PPFIA1: variants seen among roughly 807,000 people sequenced by gnomAD.
PPFIA1 encodes the protein liprin-alpha-1.
PPFIA1 carries 25 observed loss-of-function variants against 149.9 expected under a neutral mutation model. The ratio of observed to expected loss-of-function variants is 0.17; its 90% CI spans 0.12 to 0.23. PPFIA1 has a LOEUF of 0.23. PPFIA1 is among the 10% of genes least tolerant of loss of function. The pLI is 1.00. For synonymous variants in PPFIA1, 549 were observed against 552.8 expected (o/e 0.99, Z 0.10); for missense variants, 1,362 against 1,506.5 (o/e 0.90, Z 1.59).
At chr11:70,310,389 T>TC (rs1415408538) in intron 2 of PPFIA1, among the ~76,000 whole-genome samples, 1 of 149,936 alleles carries the variant, frequency 6.7e-6, no homozygotes, top group African/African-American at 2.4e-5. Context: ...CATGTACTTT[T>TC]TTTTTTTTTT....
chr11:70,296,002 C>T (rs1331408391), intron 2 of PPFIA1, among the ~76,000 whole-genome samples: 2 of 150,608 alleles, frequency 1.3e-5, no homozygotes, highest in African/African-American at 4.9e-5. Context: ...ACCTCCCAGA[C>T]GGGGTCGCGA....
chr11:70,325,352 A>G, intron 4 of PPFIA1, 148 bp from the exon 5 acceptor site: 1 of 483,524 alleles, frequency 2.1e-6, no homozygotes, highest in Non-Finnish European at 3.6e-6. Context: ...TCTTGACAGT[A>G]AGATCAATGA....
chr11:70,350,183 A>T (rs2055969007), intron 16 of PPFIA1: 1 of 285,332 alleles, frequency 3.5e-6, no homozygotes, highest in Admixed American at 5.3e-5. Flanking sequence ...GTAAGTATGG[A>T]TACAGGCAAG....
intron 2 of PPFIA1, among the ~76,000 whole-genome samples, chr11:70,295,226 C>T (rs1429762641): frequency 9.9e-5 from 14 of 141,564 alleles, no homozygotes; most frequent in African/African-American, 2.7e-4. Context: ...GCTGGCCGGG[C>T]GAGGGGCTGA....
intron 7 of PPFIA1, 31 bp from the exon 8 acceptor site, chr11:70,330,141 CT>C: frequency 1.3e-6 from 2 of 1,540,330 alleles, no homozygotes; most frequent in Non-Finnish European, 1.8e-6. Flanking sequence ...TAATTACCTA[CT>C]TTTTTGTCCC....
rs536954248 is a variant in PPFIA1 at position 70,324,755 on chromosome 11, G to GTATA, written c.367-89_367-88insATAT. 5.4e-3 allele frequency: 6,602 copies of GTATA among 1,228,270 alleles called. 23 individuals are homozygous for GTATA. The highest frequency in any genetic ancestry group is 7.0e-3 in the Non-Finnish European group (6,166 of 880,284). The allele number at this position is 1,228,270 out of a possible 1,614,324, so 76.1% of individuals were successfully genotyped here. On this transcript the variant is annotated intron_variant, in intron 3 of 27. Transcript: ENST00000253925. ...GCGGAATTGAAGGGACTTCATTTTA[G>GTATA]TATGAGACTGTAAAGGAGTTATTTG...
Position 70,309,740 on chromosome 11 carries a change from C to T in PPFIA1, c.265-14662C>T, listed in dbSNP as rs115262582. 3.9e-3 allele frequency among the ~76,000 whole-genome samples: 600 copies of T among 152,186 alleles called. 5 individuals carry two copies. The highest frequency in any genetic ancestry group is 0.014 in the African/African-American group (574 of 41,492). The stretch of plus-strand genomic sequence containing the variant: ...AAAATACTATGCCAAGTGAAAGAAG[C>T]CAGGCACAAAAAGCCACATAGTGTA... On this transcript the variant is annotated intron_variant, in intron 2 of 27. Transcript: ENST00000253925.
intron 21 of PPFIA1, among the ~76,000 whole-genome samples, chr11:70,370,483 T>G (rs1025607306): frequency 1.3e-5 from 2 of 151,512 alleles, no homozygotes; most frequent in Admixed American, 1.3e-4. Context: ...ACCTCCTGGG[T>G]TCAAGCCATT....
At chr11:70,279,287 CTGCCAGCCATT>C (rs1348569188) in intron 2 of PPFIA1, 2 of 241,276 alleles carry the variant, frequency 8.3e-6, no homozygotes, top group Admixed American at 5.5e-5. Flanking sequence ...CCCAGCCTTA[CTGCCAGCCATT>C]TTCAATTCTG....
chr11:70,372,234 T>G lies in PPFIA1; in HGVS notation c.2885T>G (p.Met962Arg). Residue 962 changes from methionine to arginine, a missense_variant, in exon 22 of 28, where the codon ATG (methionine) becomes AGG (arginine). Met to Arg is a moderately conservative substitution (Grantham distance 91, BLOSUM62 -1). This residue lies in a region of PPFIA1 where 349 missense variants were observed against 373.3 expected (regional missense o/e 0.93). Transcript: ENST00000253925. Reference protein sequence around the residue: ...TSRTTLAYGDMNHEWIGNEWL... With the variant: ...TSRTTLAYGDRNHEWIGNEWL... ...AAGCAGACACTCGCCTATGGGGACA[T>G]GAACCACGAGTGGATCGGCAACGAG... 2.5e-6 allele frequency: 4 copies of G among 1,613,936 alleles called. No homozygotes were observed. Among genetic ancestry groups the G allele is most frequent in the Non-Finnish European group, 3.4e-6 (4 of 1,179,970 alleles).
chr11:70,327,859 G>T (rs1232140385), intron 7 of PPFIA1: 1 of 152,128 alleles, frequency 6.6e-6, no homozygotes, highest in South Asian at 2.1e-4. Flanking sequence ...TTTCTAACCT[G>T]CGCTTTGTCC....
chr11:70,314,999 AT>A lies in PPFIA1; in HGVS notation c.265-9402del, dbSNP rs1348381877. On this transcript the variant is annotated intron_variant, in intron 2 of 27. Coordinates refer to ENST00000253925, the MANE Select transcript of PPFIA1 (RefSeq NM_003626.5). ...CAAGCAGGGGAAATGCCAGACACTTATAAAATCATCAGATCTCGTGAGACTC... is the reference window on the plus strand; with the variant it reads ...CAAGCAGGGGAAATGCCAGACACTTAAAAATCATCAGATCTCGTGAGACTC... Among the ~76,000 whole-genome samples the A allele has an allele frequency of 2.0e-5, 3 of 152,330 alleles. No individual in the cohort carries two copies. The East Asian group carries it at 5.8e-4, about 29-fold the overall frequency.
intron 2 of PPFIA1, among the ~76,000 whole-genome samples, chr11:70,324,035 G>C (rs564319596): frequency 2.0e-5 from 3 of 152,360 alleles, no homozygotes; most frequent in African/African-American, 7.2e-5. Flanking sequence ...TCTCTCTCCA[G>C]CAACTCTAGA....
At chr11:70,333,420 C>A in intron 9 of PPFIA1, 50 bp from the exon 10 acceptor site, 2 of 1,450,566 alleles carry the variant, frequency 1.4e-6, no homozygotes, top group South Asian at 1.2e-5. Flanking sequence ...TGCAGCATGT[C>A]GTTAATGAAG....
chr11:70,289,764 C>T (rs973806266), intron 2 of PPFIA1, among the ~76,000 whole-genome samples: 2 of 152,196 alleles, frequency 1.3e-5, no homozygotes, highest in Non-Finnish European at 2.9e-5. Flanking sequence ...AGGCGTGGCT[C>T]ACTGTGCCCA....
At chr11:70,307,046 C>T (rs1157505232) in intron 2 of PPFIA1, among the ~76,000 whole-genome samples, 1 of 152,048 alleles carries the variant, frequency 6.6e-6, no homozygotes, top group Non-Finnish European at 1.5e-5. Context: ...TAGGCAATGG[C>T]GAATGGAGAA....
intron 14 of PPFIA1, among the ~76,000 whole-genome samples, chr11:70,342,391 A>T (rs1485186939): frequency 6.6e-6 from 1 of 152,090 alleles, no homozygotes; most frequent in Admixed American, 6.5e-5. Flanking sequence ...TTGAAGAGTG[A>T]GGTGGCATGA....
intron 9 of PPFIA1, 21 bp from the exon 10 acceptor site, chr11:70,333,449 G>C (rs372742529): frequency 6.3e-7 from 1 of 1,587,708 alleles, no homozygotes; most frequent in South Asian, 1.1e-5. Context: ...TGACGTCAGC[G>C]TACGCTGTTT....
intron 13 of PPFIA1, among the ~76,000 whole-genome samples, chr11:70,338,895 C>G (rs1045418374): frequency 2.0e-5 from 3 of 152,240 alleles, no homozygotes; most frequent in Admixed American, 2.0e-4. Context: ...GGAGGGGTCT[C>G]TCTCATCCTA....
Sources: gnomAD v4.1 joint callset for allele counts (sites outside exome capture counted in the v4.1 genomes callset) on GRCh38, gnomAD v4.1.1 for gene constraint, gnomAD v4.1.1 regional missense constraint, MANE v1.5 for transcripts, NCBI Gene and HGNC (gene_info 2026-07-23, HGNC 2026-07-21) for gene names.